PCCB: variants seen among roughly 807,000 people sequenced by gnomAD.
PCCB encodes propionyl-CoA carboxylase beta chain, mitochondrial.
Under a neutral mutation model 60.7 loss-of-function variants are expected in PCCB, and 43 were observed. The ratio of observed to expected loss-of-function variants is 0.71; its 90% confidence interval spans 0.55 to 0.91. The LOEUF (loss-of-function observed/expected upper bound fraction) is 0.91, where lower values mean the gene tolerates loss of function less well. Ranked by LOEUF, PCCB falls within the 40% of genes least tolerant of loss-of-function variation. The pLI is 0.00. For missense variants in PCCB, 766 were observed against 702.8 expected, an observed-to-expected ratio of 1.09 and a Z score of -1.02; for synonymous variants, 276 against 255.9, an observed-to-expected ratio of 1.08 and a Z score of -0.75.
Position 136,301,097 on chromosome 3 carries a change from G to T in PCCB, c.952G>T (p.Asp318Tyr), listed in dbSNP as rs1002048145. ...ATCAACCAAAGCCTACAACATGGTGGACATCATACACTCTGTAAGTGCCAC... is the reference window on the plus strand; with the variant it reads ...ATCAACCAAAGCCTACAACATGGTGTACATCATACACTCTGTAAGTGCCAC... ...LESTKAYNMV[D>Y]IIHSVVDERE... Residue 318 changes from aspartate (D) to tyrosine (Y), a missense_variant, in exon 9 of 15, where the codon GAC becomes TAC. By Grantham distance (160) the Asp-to-Tyr change is radical. Coordinates refer to ENST00000251654, the MANE Select transcript of PCCB (RefSeq NM_000532.5). The T allele has an allele frequency of 6.8e-6, 11 of 1,612,882 alleles. No homozygotes were observed. The highest frequency in any genetic ancestry group is 9.3e-6 in the Non-Finnish European group (11 of 1,178,934).
intron 1 of PCCB, chr3:136,251,410 T>G: frequency 2.3e-6 from 1 of 439,132 alleles, no homozygotes; most frequent in South Asian, 1.6e-5. Context: ...CTCTTACAGA[T>G]GAAGAGTATT....
chr3:136,276,822 T>A (rs1942342397), intron 5 of PCCB, among the ~76,000 whole-genome samples: 1 of 152,112 alleles, frequency 6.6e-6, no homozygotes, highest in South Asian at 2.1e-4. Flanking sequence ...TGCAATTGTG[T>A]CTCTGCTGAA....
chr3:136,317,372 C>T (rs141485325), intron 10 of PCCB, among the ~76,000 whole-genome samples: 180 of 151,484 alleles, frequency 1.2e-3, no homozygotes, highest in African/African-American at 4.0e-3. Context: ...CAGGCACATA[C>T]CACCATACCT....
At chr3:136,288,604 A>G (rs1387710985) in intron 6 of PCCB, among the ~76,000 whole-genome samples, 1 of 151,316 alleles carries the variant, frequency 6.6e-6, no homozygotes, top group East Asian at 1.9e-4. Context: ...CCTCCCTCCC[A>G]AAGTGCTGGG....
chr3:136,296,295 C>A (rs1560017023), intron 7 of PCCB, among the ~76,000 whole-genome samples: 2 of 152,140 alleles, frequency 1.3e-5, no homozygotes, highest in African/African-American at 4.8e-5. Context: ...TAGGCAATTA[C>A]CAGGCTACTT....
chr3:136,301,471 A>G (rs1934278379), intron 9 of PCCB, among the ~76,000 whole-genome samples: 1 of 151,966 alleles, frequency 6.6e-6, no homozygotes, highest in Non-Finnish European at 1.5e-5. Context: ...CTCTGCTCAG[A>G]GGGGGTTTTG....
chr3:136,300,169 T>TAA (rs1934208011), intron 8 of PCCB, among the ~76,000 whole-genome samples: 2 of 151,438 alleles, frequency 1.3e-5, no homozygotes, highest in African/African-American at 4.9e-5. Flanking sequence ...TATACACATA[T>TAA]GTATATGTGT....
At chr3:136,262,825 T>C (rs923688997) in intron 5 of PCCB, among the ~76,000 whole-genome samples, 1 of 152,192 alleles carries the variant, frequency 6.6e-6, no homozygotes, top group African/African-American at 2.4e-5. Flanking sequence ...AGTTTAGGCC[T>C]GGAAGTCATT....
intron 9 of PCCB, among the ~76,000 whole-genome samples, chr3:136,315,161 A>G (rs79743504): frequency 0.011 from 1,728 of 152,348 alleles, 29 homozygotes; most frequent in East Asian, 0.047. Flanking sequence ...ATCCTGGCTC[A>G]GGTTCTGGAC....
Position 136,268,495 on chromosome 3 carries a change from G to A in PCCB, c.543+6430G>A, listed in dbSNP as rs1361497487. 3.0e-4 allele frequency among the ~76,000 whole-genome samples: 41 copies of A among 137,586 alleles called. 1 individual carries two copies. Among genetic ancestry groups the A allele is most frequent in the African/African-American group, 1.1e-4 (4 of 37,586 alleles). 90.3% of individuals were successfully genotyped at this position (137,586 alleles called of 152,430 possible). ...TTTTTTTTTTTTTAGATGTAGTCTC[G>A]CTTTGTAGCCCAGGCTGGAGCACAG... On this transcript the variant is annotated intron_variant, in intron 5 of 14. Transcript: ENST00000251654.
chr3:136,277,683 G>T (rs192629950), intron 5 of PCCB, among the ~76,000 whole-genome samples: 2 of 152,266 alleles, frequency 1.3e-5, no homozygotes, highest in Admixed American at 6.5e-5. Context: ...AGAAGAGATC[G>T]CACAGTGTGT....
rs1428282460 is a variant in PCCB, at chr3:136,327,275, G to A, written c.1299+20G>A. Reference sequence around the variant, plus strand: ...AGGAAGGTGAGGACCTCATGTTGGAGGCCATGACCCTGCTCACTTTCCTAC... The same window carrying A: ...AGGAAGGTGAGGACCTCATGTTGGAAGCCATGACCCTGCTCACTTTCCTAC... On this transcript the variant is annotated intron_variant, in intron 12 of 14. Coordinates refer to ENST00000251654, the MANE Select transcript of PCCB (RefSeq NM_000532.5). 1.9e-6 allele frequency: 3 copies of A among 1,582,578 alleles called. No homozygotes were observed. Among genetic ancestry groups the A allele is most frequent in the East Asian group, 2.2e-5 (1 of 44,722 alleles).
At chr3:136,277,708 G>A (rs1334294945) in intron 5 of PCCB, among the ~76,000 whole-genome samples, 11 of 152,142 alleles carry the variant, frequency 7.2e-5, no homozygotes. Context: ...AGTAACAGGT[G>A]GCACTAAGCC....
rs548170026 is a variant in PCCB, at chr3:136,287,389, TAGTA to T, written c.654+3446_654+3449del. Reference sequence around the variant, plus strand: ...TAGTTCATTCACTTTAATAGCTGTGTAGTAAGTGTGTGTGTGTGTTTTTTCTTTT... The same window carrying T: ...TAGTTCATTCACTTTAATAGCTGTGTAGTGTGTGTGTGTGTTTTTTCTTTT... On this transcript the variant is annotated intron_variant, in intron 6 of 14. Coordinates refer to ENST00000251654, the MANE Select transcript of PCCB (RefSeq NM_000532.5). Among the ~76,000 whole-genome samples, 590 of 152,120 alleles carry T rather than the reference TAGTA, an allele frequency of 3.9e-3. 1 individual carries two copies. Among genetic ancestry groups the T allele is most frequent in the Middle Eastern group, 0.031 (9 of 294 alleles).
intron 5 of PCCB, among the ~76,000 whole-genome samples, chr3:136,265,137 G>A (rs796534684): frequency 2.6e-5 from 4 of 152,242 alleles, no homozygotes; most frequent in African/African-American, 9.6e-5. Context: ...AGGTTGCAGT[G>A]AACTGAGATC....
At chr3:136,260,370 G>T (rs538226150) in intron 3 of PCCB, 109 bp from the exon 4 acceptor site, 1 of 896,468 alleles carries the variant, frequency 1.1e-6, no homozygotes, top group African/African-American at 1.6e-5. Flanking sequence ...GAGCCACCAC[G>T]CCTGGCCTAA....
At chr3:136,280,896 C>T (rs1942458817) in intron 5 of PCCB, among the ~76,000 whole-genome samples, 1 of 152,170 alleles carries the variant, frequency 6.6e-6, no homozygotes, top group African/African-American at 2.4e-5. Context: ...TCAAGTGGTC[C>T]TCCTGCCTCA....
At chr3:136,259,897 CA>C (rs760375958) in intron 3 of PCCB, among the ~76,000 whole-genome samples, 1 of 149,454 alleles carries the variant, frequency 6.7e-6, no homozygotes, top group Non-Finnish European at 1.5e-5. Context: ...GGATTACAGG[CA>C]CACACCACCA....
chr3:136,296,161 T>A (rs1450547737), intron 7 of PCCB, among the ~76,000 whole-genome samples: 2 of 152,252 alleles, frequency 1.3e-5, no homozygotes, highest in Non-Finnish European at 2.9e-5. Flanking sequence ...CAGTGGTTTT[T>A]AAAATACATT....
Sources: allele counts gnomAD v4.1 joint callset (sites outside exome capture counted in the v4.1 genomes callset), GRCh38; gene constraint gnomAD v4.1.1; transcripts MANE v1.5; gene names NCBI Gene and HGNC (gene_info 2026-07-23, HGNC 2026-07-21).